Variants in SDK1 observed in about 807,000 individuals in gnomAD.
SDK1 encodes sidekick cell adhesion molecule 1.
In SDK1, 157 loss-of-function variants were observed where a neutral mutation model predicts 245.5. That is an observed-to-expected ratio of 0.64 (90% CI 0.56 to 0.73). The LOEUF (loss-of-function observed/expected upper bound fraction) is 0.73, where lower values mean the gene tolerates loss of function less well. Among genes scored for constraint, SDK1 ranks in the 30% least tolerant of loss-of-function variants. The pLI is 0.00. For synonymous variants in SDK1, 1,647 were observed against 1,278.5 expected (o/e 1.29, Z -6.15); for missense variants, 3,583 against 3,002.3 (o/e 1.19, Z -4.52).
intron 4 of SDK1, among the ~76,000 whole-genome samples, chr7:3,797,547 T>G (rs1778992504): frequency 6.6e-6 from 1 of 152,124 alleles, no homozygotes; most frequent in Admixed American, 6.5e-5. Flanking sequence ...TATGCTTTAC[T>G]CTATGTTTTC....
intron 5 of SDK1, among the ~76,000 whole-genome samples, chr7:3,824,797 A>C (rs547130329): frequency 3.9e-5 from 6 of 152,334 alleles, no homozygotes; most frequent in Admixed American, 3.9e-4. Context: ...TAAAGAAAGC[A>C]TGACTGTTAG....
intron 2 of SDK1, among the ~76,000 whole-genome samples, chr7:3,621,079 A>C (rs960313184): frequency 4.5e-4 from 68 of 152,264 alleles, no homozygotes; most frequent in African/African-American, 1.0e-3. Flanking sequence ...AAGCGTTTGC[A>C]AAATGGGAAA....
At chr7:3,743,293 G>C (rs1490215606) in intron 4 of SDK1, among the ~76,000 whole-genome samples, 1 of 152,168 alleles carries the variant, frequency 6.6e-6, no homozygotes, top group African/African-American at 2.4e-5. Flanking sequence ...AAGTTTCTTG[G>C]CTTTCTTGGT....
chr7:4,138,728 A>C (rs113217716), intron 28 of SDK1, among the ~76,000 whole-genome samples: 1,531 of 146,870 alleles, frequency 0.01, 37 homozygotes, highest in African/African-American at 0.037. Context: ...AGCCTGGGCA[A>C]CAATAGTGAA....
intron 1 of SDK1, among the ~76,000 whole-genome samples, chr7:3,304,331 A>G (rs1411929851): frequency 1.3e-5 from 2 of 152,224 alleles, no homozygotes; most frequent in South Asian, 4.1e-4. Flanking sequence ...TCTTTATGCC[A>G]TCCACCAAGG....
chr7:3,520,219 T>A (rs1782890705), intron 1 of SDK1, among the ~76,000 whole-genome samples: 1 of 152,136 alleles, frequency 6.6e-6, no homozygotes, highest in African/African-American at 2.4e-5. Flanking sequence ...GTGACATGGT[T>A]TAAGGGTTTG....
chr7:3,988,348 A>C (rs1784037365), intron 14 of SDK1, among the ~76,000 whole-genome samples: 1 of 151,122 alleles, frequency 6.6e-6, no homozygotes, highest in African/African-American at 2.4e-5. Context: ...GCCTCAGACC[A>C]CTGGTACCTC....
chr7:4,029,627 AC>A (rs779865933), intron 17 of SDK1, among the ~76,000 whole-genome samples: 4 of 152,088 alleles, frequency 2.6e-5, no homozygotes, highest in Non-Finnish European at 5.9e-5. Context: ...CACTCACATC[AC>A]CCAAGCAGGG....
chr7:3,951,162 G>A, intron 6 of SDK1, 128 bp downstream of exon 6: 1 of 700,034 alleles, frequency 1.4e-6, no homozygotes, highest in Non-Finnish European at 2.5e-6. Context: ...TGGCCGGGTG[G>A]GCCATGAATA....
intron 4 of SDK1, among the ~76,000 whole-genome samples, chr7:3,814,731 C>T (rs1410213402): frequency 6.6e-6 from 1 of 151,370 alleles, no homozygotes; most frequent in African/African-American, 2.4e-5. Flanking sequence ...GATATTGATT[C>T]TTCCTACCCA....
At chr7:3,356,596 C>G (rs902490889) in intron 1 of SDK1, among the ~76,000 whole-genome samples, 2 of 152,042 alleles carry the variant, frequency 1.3e-5, no homozygotes, top group African/African-American at 4.8e-5. Context: ...TTTATCTGAC[C>G]AAGAAAGTAG....
chr7:4,074,884 C>CTCTCTCTG (rs1377225405), intron 20 of SDK1, among the ~76,000 whole-genome samples: 1 of 62,456 alleles, frequency 1.6e-5, no homozygotes, highest in Non-Finnish European at 2.8e-5. Flanking sequence ...CTCTCTCTCT[C>CTCTCTCTG]TGTATATATA....
chr7:4,107,441 A>G (rs1372561870), intron 22 of SDK1, among the ~76,000 whole-genome samples: 2 of 151,788 alleles, frequency 1.3e-5, no homozygotes, highest in African/African-American at 4.8e-5. Flanking sequence ...AAAAGGTGCT[A>G]AATTGACGGC....
chr7:3,791,332 T>C lies in SDK1; in HGVS notation c.714-30118T>C, dbSNP rs535311461. ...GGAAACAGATTTAATCTTTGGGAAC[T>C]GTTTTGAATTATTTAGGTATCGGGG... On this transcript the variant is annotated intron_variant, in intron 4 of 44. Coordinates refer to ENST00000404826, the MANE Select transcript of SDK1 (RefSeq NM_152744.4). 2.6e-5 allele frequency among the ~76,000 whole-genome samples: 4 copies of C among 152,278 alleles called. No homozygotes were observed. In the East Asian group the frequency reaches 7.7e-4, roughly 29 times the overall value.
intron 2 of SDK1, among the ~76,000 whole-genome samples, chr7:3,633,772 C>T (rs949143722): frequency 6.6e-6 from 1 of 152,164 alleles, no homozygotes; most frequent in African/African-American, 2.4e-5. Flanking sequence ...CCAACTTTCT[C>T]TTGTGTGAGC....
intron 1 of SDK1, among the ~76,000 whole-genome samples, chr7:3,589,951 G>A (rs1401965733): frequency 6.6e-6 from 1 of 152,212 alleles, no homozygotes; most frequent in African/African-American, 2.4e-5. Flanking sequence ...TGCTGTGCAT[G>A]TCACAGCCTG....
intron 5 of SDK1, among the ~76,000 whole-genome samples, chr7:3,941,725 C>T (rs1780374770): frequency 6.6e-6 from 1 of 152,128 alleles, no homozygotes; most frequent in African/African-American, 2.4e-5. Context: ...CATGTGGCTG[C>T]CATCCTCCAC....
At chr7:3,507,224 TGTC>T (rs1233087124) in intron 1 of SDK1, among the ~76,000 whole-genome samples, 1 of 152,198 alleles carries the variant, frequency 6.6e-6, no homozygotes, top group Non-Finnish European at 1.5e-5. Context: ...CTCTAGTAGT[TGTC>T]GTTTTTTGTG....
At chr7:4,227,090 T>C (rs1283398074) in intron 40 of SDK1, 1 of 275,854 alleles carries the variant, frequency 3.6e-6, no homozygotes, top group Non-Finnish European at 7.0e-6. Flanking sequence ...TCCCTCCCCA[T>C]TGATTTTGTT....
Sources: allele counts gnomAD v4.1 joint callset (sites outside exome capture counted in the v4.1 genomes callset), GRCh38; gene constraint gnomAD v4.1.1; transcripts MANE v1.5; gene names NCBI Gene and HGNC (gene_info 2026-07-23, HGNC 2026-07-21).